The following DHRSX variants were observed in gnomAD, a reference collection of about 807,000 sequenced individuals.
DHRSX encodes polyprenol dehydrogenase.
DHRSX carries 31 observed loss-of-function variants against 34.0 expected under a neutral mutation model. The observed-to-expected ratio is 0.91, with a 90% CI of 0.69 to 1.23. The LOEUF is 1.23. Among genes scored for constraint, DHRSX ranks in the 50% most tolerant of loss-of-function variants. The pLI is 0.00. For missense variants in DHRSX, 414 were observed against 428.1 expected (o/e 0.97, Z 0.29); for synonymous variants, 201 against 183.8 (o/e 1.09, Z -0.76).
At chrX:2,448,712 T>C (rs763373082) in intron 1 of DHRSX, among the ~76,000 whole-genome samples, 127 of 152,322 alleles carry the variant, frequency 8.3e-4, no homozygotes, top group Non-Finnish European at 9.7e-4. Flanking sequence ...TTTTTGTTAA[T>C]GAACAATACA....
At chrX:2,365,219 C>T (rs759519648) in intron 3 of DHRSX, among the ~76,000 whole-genome samples, 32 of 152,248 alleles carry the variant, frequency 2.1e-4, no homozygotes, top group African/African-American at 7.0e-4. Flanking sequence ...GTCTAATGTC[C>T]AGAATCTACA....
intron 4 of DHRSX, among the ~76,000 whole-genome samples, chrX:2,282,883 G>C (rs919380557): frequency 1.7e-4 from 24 of 140,236 alleles, no homozygotes; most frequent in African/African-American, 7.0e-4. Flanking sequence ...GGGAGAGAGG[G>C]AGGGAGGAGG....
At chrX:2,299,913 C>T (rs1312371401) in intron 3 of DHRSX, among the ~76,000 whole-genome samples, 1 of 151,816 alleles carries the variant, frequency 6.6e-6, no homozygotes, top group Non-Finnish European at 1.5e-5. Context: ...AAGGGGTTTC[C>T]TGAGGGCAAG....
In DHRSX at chrX:2,241,208, G is replaced by A. The variant is rs193270927; in HGVS notation, c.804+1815C>T. On this transcript the variant is annotated intron_variant, in intron 6 of 6. Coordinates refer to ENST00000334651, the MANE Select transcript of DHRSX (RefSeq NM_145177.3). ...AAACAAACAAACAAAAAAACCCAAG[G>A]GAATGGCTGGGGCATGAAATCTTGC... Among the ~76,000 whole-genome samples the A allele has an allele frequency of 3.0e-3, 458 of 152,096 alleles. 4 individuals carry two copies. Among genetic ancestry groups the A allele is most frequent in the African/African-American group, 0.011 (443 of 41,514 alleles).
chrX:2,320,442 G>A (rs753887029), intron 3 of DHRSX, among the ~76,000 whole-genome samples: 15 of 131,276 alleles, frequency 1.1e-4, no homozygotes, highest in Non-Finnish European at 1.6e-4. Context: ...TTACAGACAC[G>A]CACCACTACA....
chrX:2,456,950 G>A (rs1315874107), intron 1 of DHRSX, among the ~76,000 whole-genome samples: 3 of 151,976 alleles, frequency 2.0e-5, no homozygotes, highest in Admixed American at 1.3e-4. Flanking sequence ...GGACCGTGCA[G>A]GAGAAGGAAT....
chrX:2,256,642 C>T (rs924716645), intron 5 of DHRSX, among the ~76,000 whole-genome samples: 2 of 152,146 alleles, frequency 1.3e-5, no homozygotes, highest in Non-Finnish European at 2.9e-5. Flanking sequence ...TGTGTAAAAA[C>T]TCTTGGATTT....
chrX:2,459,577 TATAC>T (rs1485432294), intron 1 of DHRSX, among the ~76,000 whole-genome samples: 2 of 125,412 alleles, frequency 1.6e-5, no homozygotes, highest in Non-Finnish European at 1.7e-5. Flanking sequence ...TATATATATA[TATAC>T]ACACACATAC....
At chrX:2,260,787 A>G (rs1477634252) in intron 5 of DHRSX, among the ~76,000 whole-genome samples, 1 of 151,992 alleles carries the variant, frequency 6.6e-6, no homozygotes, top group Non-Finnish European at 1.5e-5. Flanking sequence ...AAGGCCACCC[A>G]TCATATTGGA....
At chrX:2,407,588 A>C (rs2043572419) in intron 3 of DHRSX, among the ~76,000 whole-genome samples, 2 of 152,250 alleles carry the variant, frequency 1.3e-5, no homozygotes, top group South Asian at 4.1e-4. Context: ...TGGATAAGAG[A>C]ATCTGGCTGC....
chrX:2,349,912 G>A (rs77556857), intron 3 of DHRSX, among the ~76,000 whole-genome samples: 127,879 of 147,160 alleles, frequency 0.87, 56,440 homozygotes, highest in Non-Finnish European at 0.92. Context: ...GGTGGCAGGC[G>A]CCTGCAGTCC....
chrX:2,267,959 C>G (rs918142454), intron 4 of DHRSX, among the ~76,000 whole-genome samples: 2 of 152,074 alleles, frequency 1.3e-5, no homozygotes, highest in Non-Finnish European at 2.9e-5. Context: ...GAATTCTGGA[C>G]AAGTATAGCT....
intron 3 of DHRSX, among the ~76,000 whole-genome samples, chrX:2,349,871 C>T (rs112731327): frequency 0.099 from 13,675 of 138,496 alleles, 1,111 homozygotes; most frequent in Non-Finnish European, 0.15. Context: ...ACCCCGTTTC[C>T]ACTAAAAATA....
chrX:2,243,527 C>T lies in DHRSX; in HGVS notation c.597-297G>A, dbSNP rs1350228264. ...TGGAGACAGAGTCCCCCCTCTGTCG[C>T]CCAGGCTGGAGTGCAGTGGTGCAAT... On this transcript the variant is annotated intron_variant, in intron 5 of 6. Coordinates refer to ENST00000334651, the MANE Select transcript of DHRSX (RefSeq NM_145177.3). Among the ~76,000 whole-genome samples, 5 of 152,134 alleles carry T rather than the reference C, an allele frequency of 3.3e-5. No individual in the cohort carries two copies. In the East Asian group the frequency reaches 9.6e-4, roughly 29 times the overall value.
intron 3 of DHRSX, among the ~76,000 whole-genome samples, chrX:2,403,291 C>T (rs2043510527): frequency 6.6e-6 from 1 of 152,146 alleles, no homozygotes; most frequent in Admixed American, 6.5e-5. Flanking sequence ...TTTTTGTGCC[C>T]ATTAACCATC....
At chrX:2,298,218 C>A (rs2041957934) in intron 3 of DHRSX, among the ~76,000 whole-genome samples, 1 of 151,786 alleles carries the variant, frequency 6.6e-6, no homozygotes, top group South Asian at 2.1e-4. Context: ...CCTAGAGCGT[C>A]TGGATGGAGC....
At chrX:2,442,907 C>T (rs1443017897) in intron 1 of DHRSX, among the ~76,000 whole-genome samples, 1 of 152,186 alleles carries the variant, frequency 6.6e-6, no homozygotes, top group Non-Finnish European at 1.5e-5. Flanking sequence ...CCATCTGTCA[C>T]CAGACACGTG....
chrX:2,284,131 C>T lies in DHRSX; in HGVS notation c.388+7371G>A, dbSNP rs1208506559. On this transcript the variant is annotated intron_variant, in intron 4 of 6. Coordinates refer to ENST00000334651, the MANE Select transcript of DHRSX (RefSeq NM_145177.3). Reference sequence around the variant, plus strand: ...TCCCTTGAATTCATTCAGATTCACTCATTTGAATTCATTCATTCATTCCTT... The same window carrying T: ...TCCCTTGAATTCATTCAGATTCACTTATTTGAATTCATTCATTCATTCCTT... 3.3e-5 allele frequency among the ~76,000 whole-genome samples: 5 copies of T among 152,212 alleles called. No homozygotes were observed. In the East Asian group the frequency reaches 9.6e-4, roughly 29 times the overall value.
At chrX:2,323,588 T>C (rs2042339329) in intron 3 of DHRSX, among the ~76,000 whole-genome samples, 1 of 152,130 alleles carries the variant, frequency 6.6e-6, no homozygotes, top group African/African-American at 2.4e-5. Flanking sequence ...CAGAGGAAGA[T>C]CCCATCTCTA....
Sources: allele counts gnomAD v4.1 joint callset (sites outside exome capture counted in the v4.1 genomes callset), GRCh38; gene constraint gnomAD v4.1.1; transcripts MANE v1.5; gene names NCBI Gene and HGNC (gene_info 2026-07-23, HGNC 2026-07-21).